The following CEMIP variants were observed in gnomAD, a reference collection of about 807,000 sequenced individuals.
CEMIP encodes the protein cell migration inducing hyaluronidase 1, also known as cell migration-inducing and hyaluronan-binding protein.
Under a neutral mutation model 156.9 loss-of-function variants are expected in CEMIP, and 105 were observed. The observed-to-expected ratio is 0.67, with a 90% CI of 0.57 to 0.79. The LOEUF (loss-of-function observed/expected upper bound fraction) is 0.79. CEMIP is among the 30% of genes least tolerant of loss of function. CEMIP has a pLI of 0.00. For synonymous variants in CEMIP, 676 were observed against 668.4 expected, an observed-to-expected ratio of 1.01 and a Z score of -0.17; for missense variants, 1,457 against 1,769.4, an observed-to-expected ratio of 0.82 and a Z score of 3.17.
intron 1 of CEMIP, among the ~76,000 whole-genome samples, chr15:80,782,896 T>C (rs1270501550): frequency 6.6e-6 from 1 of 152,204 alleles, no homozygotes; most frequent in Non-Finnish European, 1.5e-5. Flanking sequence ...GTTTCCAGCA[T>C]ACCCATGGCT....
intron 10 of CEMIP, 59 bp downstream of exon 10, chr15:80,889,651 T>C (rs1001929244): frequency 1.9e-6 from 3 of 1,600,742 alleles, no homozygotes; most frequent in East Asian, 2.2e-5. Context: ...GAAGACTCTA[T>C]AGATCACAGA....
chr15:80,894,240 A>G (rs1899133314), intron 10 of CEMIP, among the ~76,000 whole-genome samples: 1 of 152,216 alleles, frequency 6.6e-6, no homozygotes, highest in African/African-American at 2.4e-5. Flanking sequence ...CCTTAGGGCA[A>G]GAGTGGATGG....
chr15:80,900,626 G>C (rs867641465), intron 12 of CEMIP, among the ~76,000 whole-genome samples: 11 of 130,144 alleles, frequency 8.5e-5, no homozygotes, highest in South Asian at 2.3e-4. Context: ...GTGTGTGTGT[G>C]TGTGTGTGTG....
At position 80,884,197 on chromosome 15, in the gene CEMIP, A is replaced by G. The variant is rs754128576; in HGVS notation, c.640A>G (p.Lys214Glu). 1.2e-6 allele frequency: 2 copies of G among 1,614,210 alleles called. No homozygotes were observed. Among genetic ancestry groups the G allele is most frequent in the Non-Finnish European group, 1.7e-6 (2 of 1,180,036 alleles). ...TAGGTTTGACACCTATAGATCCAAG[A>G]AAGAGAGTGAACGTCTGGTCCAGTA... ...SDRFDTYRSKKESERLVQYLN... is the reference protein window; with the variant it reads ...SDRFDTYRSKEESERLVQYLN... The change falls in exon 7 of 30, where the codon AAA (lysine) becomes GAA (glutamate). Residue 214 changes from lysine (K) to glutamate (E), a missense_variant. Physicochemically the swap from Lys to Glu is moderately conservative, Grantham distance 56. Coordinates refer to ENST00000394685, the MANE Select transcript of CEMIP (RefSeq NM_001293298.2).
intron 27 of CEMIP, among the ~76,000 whole-genome samples, 163 bp from the exon 28 acceptor site, chr15:80,942,782 C>A (rs1484508435): frequency 2.0e-5 from 3 of 152,172 alleles, no homozygotes; most frequent in Non-Finnish European, 4.4e-5. Flanking sequence ...ACTATTTGAC[C>A]CACTACTGAG....
chr15:80,810,839 TCC>T (rs1428535389), intron 1 of CEMIP, among the ~76,000 whole-genome samples: 1 of 144,486 alleles, frequency 6.9e-6, no homozygotes, highest in Non-Finnish European at 1.5e-5. Flanking sequence ...CATCCATCCA[TCC>T]ATCCAACCAG....
Position 80,921,118 on chromosome 15 carries a change from C to G in CEMIP, c.2073+17C>G. 6.2e-7 allele frequency: 1 copy of G among 1,611,714 alleles called. No individual in the cohort carries two copies. On this transcript the variant is annotated intron_variant, in intron 16 of 29. Transcript: ENST00000394685. ...GGATCTGAGGTGAGCAGAAATATTC[C>G]TTCTTTGGCAGAAAGTGAGGGTGGG...
chr15:80,783,084 T>TG (rs1159086604), intron 1 of CEMIP, among the ~76,000 whole-genome samples: 2 of 152,150 alleles, frequency 1.3e-5, no homozygotes, highest in Non-Finnish European at 2.9e-5. Flanking sequence ...TGGCATTCAG[T>TG]GGGGAAGGCC....
intron 23 of CEMIP, among the ~76,000 whole-genome samples, chr15:80,934,280 G>A (rs1901033197): frequency 2.0e-5 from 3 of 152,242 alleles, no homozygotes; most frequent in African/African-American, 7.2e-5. Flanking sequence ...TATTTACATT[G>A]CTTTTGTTTT....
intron 1 of CEMIP, among the ~76,000 whole-genome samples, chr15:80,872,345 G>T (rs1251316044): frequency 6.6e-6 from 1 of 152,196 alleles, no homozygotes; most frequent in Non-Finnish European, 1.5e-5. Flanking sequence ...TTCTCTATGT[G>T]TGCTACAGAG....
At chr15:80,896,507 G>C (rs563904393) in intron 12 of CEMIP, 1 of 357,890 alleles carries the variant, frequency 2.8e-6, no homozygotes, top group Non-Finnish European at 5.5e-6. Flanking sequence ...AAGTTTGAGG[G>C]GGAGGAAGTG....
chr15:80,906,245 G>GC lies in CEMIP; in HGVS notation c.1412-413dup, dbSNP rs1417206681. On this transcript the variant is annotated intron_variant, in intron 12 of 29. Coordinates refer to ENST00000394685, the MANE Select transcript of CEMIP (RefSeq NM_001293298.2). This position sits in a 1 kb window ranked among gnomAD's most constrained non-coding sequence, Gnocchi z 4.3. ...CTGCATGGGCGAGGCTGGCCTGCCAGCCCCCAGAAAAGAGCAAGAGGAGGG... is the reference window on the plus strand; with the variant it reads ...CTGCATGGGCGAGGCTGGCCTGCCAGCCCCCCAGAAAAGAGCAAGAGGAGGG... Among the ~76,000 whole-genome samples the GC allele has an allele frequency of 1.3e-5, 2 of 152,172 alleles. No individual in the cohort carries two copies. The highest frequency in any genetic ancestry group is 1.9e-4 in the East Asian group (1 of 5,182).
chr15:80,880,257 A>T (rs184536996), intron 5 of CEMIP, among the ~76,000 whole-genome samples: 85 of 152,362 alleles, frequency 5.6e-4, no homozygotes, highest in Non-Finnish European at 1.0e-4. Context: ...TCAGGAATGC[A>T]CAAGGATATG....
At chr15:80,823,691 C>A (rs1896961546) in intron 1 of CEMIP, among the ~76,000 whole-genome samples, 2 of 152,162 alleles carry the variant, frequency 1.3e-5, no homozygotes, top group South Asian at 2.1e-4. Flanking sequence ...ATGGGTAAAT[C>A]TTAACAGTTT....
rs779523658 is a variant in CEMIP at position 80,942,033 on chromosome 15, A to G, written c.3592A>G (p.Lys1198Glu). 6.2e-7 allele frequency: 1 copy of G among 1,613,034 alleles called. No homozygotes were observed. The highest frequency in any genetic ancestry group is 8.5e-7 in the Non-Finnish European group (1 of 1,179,742). Residue 1198 changes from lysine to glutamate, a missense_variant, in exon 26 of 30, where the codon AAG becomes GAG. Coordinates refer to ENST00000394685, the MANE Select transcript of CEMIP (RefSeq NM_001293298.2). ...RAVVDVPMPK[K>E]LFGSQLKTKD... is the part of the protein sequence containing the mutation. ...TGTCGTAGACGTGCCGATGCCCAAG[A>G]AGCTCTTTGGTTCTCAGCTGGTGAG...
At chr15:80,871,147 A>T (rs866638929) in intron 1 of CEMIP, among the ~76,000 whole-genome samples, 1 of 152,208 alleles carries the variant, frequency 6.6e-6, no homozygotes, top group Non-Finnish European at 1.5e-5. Context: ...ATTCCCAAGG[A>T]AATTTGGGAA....
At chr15:80,862,905 G>A (rs1002962871) in intron 1 of CEMIP, among the ~76,000 whole-genome samples, 1 of 152,206 alleles carries the variant, frequency 6.6e-6, no homozygotes, top group Non-Finnish European at 1.5e-5. Flanking sequence ...CTATGGTCTG[G>A]GGACTGAGGG....
In CEMIP at chr15:80,829,823, G is replaced by C. The variant is rs1027096482; in HGVS notation, c.-175-43715G>C. Among the ~76,000 whole-genome samples, 6 of 152,228 alleles carry C rather than the reference G, an allele frequency of 3.9e-5. No homozygotes were observed. The East Asian group carries it at 1.2e-3, about 29-fold the overall frequency. On this transcript the variant is annotated intron_variant, in intron 1 of 29. Coordinates refer to ENST00000394685, the MANE Select transcript of CEMIP (RefSeq NM_001293298.2). Reference sequence around the variant, plus strand: ...TTTAAGGAGTATTGGGTTTTTATGGGGAGTATAGGAAGGCTGGTAAACCAA... The same window carrying C: ...TTTAAGGAGTATTGGGTTTTTATGGCGAGTATAGGAAGGCTGGTAAACCAA...
At chr15:80,900,103 A>G (rs771552943) in intron 12 of CEMIP, among the ~76,000 whole-genome samples, 1 of 152,146 alleles carries the variant, frequency 6.6e-6, no homozygotes, top group Non-Finnish European at 1.5e-5. Flanking sequence ...AGGGTGGGTC[A>G]CCCCAAGGCC....
Sources: allele counts gnomAD v4.1 joint callset (sites outside exome capture counted in the v4.1 genomes callset), GRCh38; gene constraint gnomAD v4.1.1; non-coding constraint Gnocchi (gnomAD v3.1); transcripts MANE v1.5; gene names NCBI Gene and HGNC (gene_info 2026-07-23, HGNC 2026-07-21).